The following ATOSB variants were observed in gnomAD, a reference collection of about 807,000 sequenced individuals.
ATOSB encodes the protein atos homolog protein B.
chr9:35,105,871 A>C, the ATOSB span: 1 of 1,614,052 alleles, frequency 6.2e-7, no homozygotes, highest in South Asian at 1.1e-5. The surrounding 1 kb of genome is among the most constrained non-coding windows in gnomAD (Gnocchi z 5.5). Flanking sequence ...GGGACAGGAC[A>C]GTCAAGGTTG....
chr9:35,112,489 C>T, the ATOSB span: 35,078 of 152,196 alleles, frequency 0.23, 4,387 homozygotes, highest in Non-Finnish European at 0.28. Context: ...TGGGCCCCAG[C>T]CCAGTTCAGA....
chr9:35,112,430 C>G, the ATOSB span: 1 of 152,204 alleles, frequency 6.6e-6, no homozygotes, highest in Non-Finnish European at 1.5e-5. Context: ...GGAGCTCAAC[C>G]CCATGACTCA....
chr9:35,106,914 A>G, the ATOSB span: 1 of 1,559,190 alleles, frequency 6.4e-7, no homozygotes, highest in South Asian at 1.2e-5. The surrounding 1 kb of genome is among the most constrained non-coding windows in gnomAD (Gnocchi z 4.6). Flanking sequence ...ATGATTGGGA[A>G]AAGACACAGG....
chr9:35,106,125 TCTC>T, the ATOSB span: 1 of 1,508,170 alleles, frequency 6.6e-7, no homozygotes, highest in Non-Finnish European at 9.0e-7. The surrounding 1 kb of genome is among the most constrained non-coding windows in gnomAD (Gnocchi z 4.6). Flanking sequence ...ACAGTAGAGT[TCTC>T]CTCACCTGGC....
chr9:35,105,231 G>C, the ATOSB span: 9 of 1,613,038 alleles, frequency 5.6e-6, no homozygotes, highest in Non-Finnish European at 7.6e-6. This position sits in a 1 kb window ranked among gnomAD's most constrained non-coding sequence, Gnocchi z 5.5. Flanking sequence ...TCAGGGCAAA[G>C]GTGAATAACG....
At chr9:35,108,331 C>A in the ATOSB span, 2 of 1,468,260 alleles carry the variant, frequency 1.4e-6, no homozygotes, top group Non-Finnish European at 1.8e-6. Context: ...TGGGCCTGGG[C>A]TGGGGGGCCT....
the ATOSB span, chr9:35,108,341 T>A: frequency 6.8e-7 from 1 of 1,463,814 alleles, no homozygotes; most frequent in Non-Finnish European, 8.9e-7. Context: ...CTGGGGGGCC[T>A]GGGGACATCT....
chr9:35,113,680 G>T, the ATOSB span, among the ~76,000 whole-genome samples: 4 of 143,702 alleles, frequency 2.8e-5, no homozygotes, highest in Admixed American at 2.7e-4. Context: ...AAATAAAGAG[G>T]CCTTACCTTC....
the ATOSB span, chr9:35,110,380 C>T: frequency 6.6e-6 from 1 of 152,336 alleles, no homozygotes; most frequent in Non-Finnish European, 1.5e-5. Flanking sequence ...CTCTTGACCC[C>T]TTGCCCTGGG....
At chr9:35,105,106 T>G in the ATOSB span, 1 of 1,140,400 alleles carries the variant, frequency 8.8e-7, no homozygotes, top group Non-Finnish European at 1.2e-6. This position sits in a 1 kb window ranked among gnomAD's most constrained non-coding sequence, Gnocchi z 5.5. Context: ...GGCGTGAGCA[T>G]GGTGAGGGCT....
At chr9:35,105,314 G>C in the ATOSB span, 1 of 1,614,086 alleles carries the variant, frequency 6.2e-7, no homozygotes, top group South Asian at 1.1e-5. The surrounding 1 kb of genome is among the most constrained non-coding windows in gnomAD (Gnocchi z 5.5). Context: ...GGCTCCGGCG[G>C]GAAAAAAGCA....
At chr9:35,107,313 C>T in the ATOSB span, 4 of 1,416,280 alleles carry the variant, frequency 2.8e-6, no homozygotes, top group Non-Finnish European at 3.8e-6. Context: ...GAGTGAGATC[C>T]CATCTCAAAA....
chr9:35,108,257 C>T, the ATOSB span: 22 of 1,557,824 alleles, frequency 1.4e-5, no homozygotes, highest in African/African-American at 9.5e-5. Flanking sequence ...GAGACGGCTC[C>T]GCCTGCACGT....
chr9:35,107,747 C>A, the ATOSB span: 2 of 1,575,482 alleles, frequency 1.3e-6, no homozygotes, highest in Non-Finnish European at 1.7e-6. Context: ...GAGGGGCTGG[C>A]CCTGGGGACT....
At chr9:35,106,162 A>G in the ATOSB span, 52 of 1,563,958 alleles carry the variant, frequency 3.3e-5, no homozygotes, top group Non-Finnish European at 4.3e-5. This position sits in a 1 kb window ranked among gnomAD's most constrained non-coding sequence, Gnocchi z 4.6. Context: ...TAGGTGAGGA[A>G]TAAGTAAGAA....
the ATOSB span, chr9:35,110,839 C>T: frequency 1.9e-4 from 29 of 152,316 alleles, no homozygotes; most frequent in African/African-American, 6.3e-4. Flanking sequence ...TAAAGATTTC[C>T]ATTTCTACCA....
chr9:35,105,760 C>T, the ATOSB span: 1 of 1,613,986 alleles, frequency 6.2e-7, no homozygotes, highest in Non-Finnish European at 8.5e-7. The surrounding 1 kb of genome is among the most constrained non-coding windows in gnomAD (Gnocchi z 5.5). Context: ...CAAAAAGAGG[C>T]GATGGCGCAG....
chr9:35,107,234 G>A, the ATOSB span: 7 of 955,056 alleles, frequency 7.3e-6, no homozygotes, highest in Admixed American at 2.1e-4. Flanking sequence ...GAGGTTGGAG[G>A]ATCCCTTGAG....
the ATOSB span, chr9:35,108,599 T>G: frequency 9.0e-7 from 1 of 1,108,506 alleles, no homozygotes; most frequent in Non-Finnish European, 1.1e-6. Flanking sequence ...CTTACCCCGA[T>G]GAAGAGGCCT....
Sources: gnomAD v4.1 joint callset for allele counts (sites outside exome capture counted in the v4.1 genomes callset) on GRCh38, gnomAD v4.1.1 for gene constraint, Gnocchi (gnomAD v3.1) non-coding constraint, MANE v1.5 for transcripts, NCBI Gene and HGNC (gene_info 2026-07-23, HGNC 2026-07-21) for gene names.